The following OSBPL9 variants were observed in gnomAD, a reference collection of about 807,000 sequenced individuals.
OSBPL9 encodes oxysterol binding protein like 9.
In OSBPL9, 40 loss-of-function variants were observed where a neutral mutation model predicts 106.6. The ratio of observed to expected loss-of-function variants is 0.38; its 90% confidence interval spans 0.29 to 0.49. The LOEUF (loss-of-function observed/expected upper bound fraction) is 0.49. OSBPL9 is among the 20% of genes least tolerant of loss of function. The pLI is 0.97. For synonymous variants in OSBPL9, 269 were observed against 295.4 expected (o/e 0.91, Z 0.92); for missense variants, 609 against 887.2 (o/e 0.69, Z 3.98).
intron 2 of OSBPL9, among the ~76,000 whole-genome samples, chr1:51,659,570 CAGT>C (rs965070635): frequency 6.6e-6 from 1 of 151,068 alleles, no homozygotes; most frequent in African/African-American, 2.4e-5. Flanking sequence ...GGGAAATAAA[CAGT>C]AGAGAGCATA....
In OSBPL9 at chr1:51,781,329, G is replaced by A. The variant is rs1356062009; in HGVS notation, c.1422G>A (p.Glu474=). Residue 474 remains glutamate, a synonymous_variant, in exon 16 of 24, where the codon GAG becomes GAA. Transcript: ENST00000428468. ...GGACATTACCAAATGATACTGAAGAGAACACAGTGAGTTCTGCATTGACAT... is the reference window on the plus strand; with the variant it reads ...GGACATTACCAAATGATACTGAAGAAAACACAGTGAGTTCTGCATTGACAT... ...CHWTLPNDTE[E]NTELVSEGPV... is the part of the protein sequence containing the mutation. 6.2e-7 allele frequency: 1 copy of A among 1,613,782 alleles called. No individual in the cohort carries two copies. The highest frequency in any genetic ancestry group is 8.5e-7 in the Non-Finnish European group (1 of 1,179,798).
chr1:51,750,343 T>G (rs1047850187), intron 8 of OSBPL9, 148 bp downstream of exon 8: 2 of 540,566 alleles, frequency 3.7e-6, no homozygotes, highest in Non-Finnish European at 6.5e-6. Context: ...GGAACAACTG[T>G]TGTGTTTGGC....
Position 51,743,105 on chromosome 1 carries a change from G to T in OSBPL9, c.319-2431G>T, listed in dbSNP as rs190476122. On this transcript the variant is annotated intron_variant, in intron 4 of 23. Transcript: ENST00000428468. ...AATTTTACATGATATTTTATTGGTTGCAGATGGGGCAACTATATACATAAA... is the reference window on the plus strand; with the variant it reads ...AATTTTACATGATATTTTATTGGTTTCAGATGGGGCAACTATATACATAAA... Among the ~76,000 whole-genome samples, 26 of 152,278 alleles carry T rather than the reference G, an allele frequency of 1.7e-4. No homozygotes were observed. The East Asian group carries it at 4.6e-3, about 27-fold the overall frequency.
chr1:51,577,156 C>G (rs1364165600), upstream of OSBPL9: 1 of 152,096 alleles, frequency 6.6e-6, no homozygotes, highest in Admixed American at 6.6e-5. Flanking sequence ...TGTGACGTAC[C>G]TGCTCCCTCT....
At chr1:51,623,888 A>G (rs1644595576) in intron 1 of OSBPL9, among the ~76,000 whole-genome samples, 1 of 152,080 alleles carries the variant, frequency 6.6e-6, no homozygotes, top group African/African-American at 2.4e-5. Context: ...ATTCTTGAAT[A>G]TATCAAATAT....
chr1:51,786,614 G>A lies in OSBPL9; in HGVS notation c.1997G>A (p.Arg666His), dbSNP rs774199994. Reference protein sequence around the residue: ...KLEDQNEYESRSLWKDVTFNL... With the variant: ...KLEDQNEYESHSLWKDVTFNL... The stretch of plus-strand genomic sequence containing the variant: ...GAAGATCAGAACGAGTATGAATCCC[G>A]CAGGTAAGCCGACATTGTTAAGTGG... Residue 666 changes from arginine to histidine, a missense_variant, in exon 22 of 24, where the codon CGC (arginine) becomes CAC (histidine). Physicochemically the swap from Arg to His is conservative, Grantham distance 29. Transcript: ENST00000428468. 1 of 1,609,948 alleles carries A rather than the reference G, an allele frequency of 6.2e-7. No homozygotes were observed. Among genetic ancestry groups the A allele is most frequent in the Non-Finnish European group, 8.5e-7 (1 of 1,176,588 alleles).
the OSBPL9 span, among the ~76,000 whole-genome samples, chr1:51,540,219 A>T: frequency 6.6e-6 from 1 of 151,234 alleles, no homozygotes; most frequent in Non-Finnish European, 1.5e-5. Flanking sequence ...TTATTATTTT[A>T]AATTTTTTTT....
intron 3 of OSBPL9, among the ~76,000 whole-genome samples, chr1:51,681,434 GC>G (rs1652538973): frequency 6.6e-6 from 1 of 151,786 alleles, no homozygotes; most frequent in African/African-American, 2.4e-5. Flanking sequence ...AGTCTGATGG[GC>G]CAAATTCTAT....
chr1:51,717,420 C>G (rs983529338), intron 4 of OSBPL9, among the ~76,000 whole-genome samples: 1 of 152,220 alleles, frequency 6.6e-6, no homozygotes, highest in Non-Finnish European at 1.5e-5. Flanking sequence ...TCCTCTATCA[C>G]TTTACTTCTG....
rs763545573 is a variant in OSBPL9 at position 51,788,234 on chromosome 1, A to G, written c.*445A>G. The stretch of plus-strand genomic sequence containing the variant: ...TATATATAAATATACCTGATGCCAG[A>G]TTTTTTTCATAAATATTCTGCCTAC... On this transcript the variant is annotated 3_prime_UTR_variant, in exon 24 of 24. Coordinates refer to ENST00000428468, the MANE Select transcript of OSBPL9 (RefSeq NM_024586.6). 1 of 153,762 alleles carries G rather than the reference A, an allele frequency of 6.5e-6. No homozygotes were observed. Among genetic ancestry groups the G allele is most frequent in the Admixed American group, 6.5e-5 (1 of 15,302 alleles). The allele number at this position is 153,762 out of a possible 1,614,324, so 9.5% of individuals were successfully genotyped here. A position where few individuals can be genotyped will look rare whatever the true frequency, so the allele number is the denominator to read the frequency against.
intron 1 of OSBPL9, among the ~76,000 whole-genome samples, chr1:51,626,510 T>C (rs957937129): frequency 6.6e-6 from 1 of 152,102 alleles, no homozygotes; most frequent in Non-Finnish European, 1.5e-5. Flanking sequence ...TGTTGCTTTT[T>C]ATTCTTTTTT....
intron 9 of OSBPL9, chr1:51,760,448 G>A (rs534059643): frequency 7.2e-6 from 3 of 417,500 alleles, no homozygotes; most frequent in African/African-American, 4.2e-5. Context: ...TAACTCCTCA[G>A]TTTTTCCATT....
chr1:51,746,841 C>T, intron 6 of OSBPL9, 84 bp downstream of exon 6: 2 of 1,081,500 alleles, frequency 1.8e-6, no homozygotes, highest in South Asian at 1.5e-5. Flanking sequence ...TGTGTTTTTA[C>T]TTACTATAAT....
chr1:51,767,468 G>C (rs1672808358), intron 12 of OSBPL9, among the ~76,000 whole-genome samples: 1 of 151,646 alleles, frequency 6.6e-6, no homozygotes, highest in Non-Finnish European at 1.5e-5. Context: ...TGTATTAATA[G>C]CTTAGTTTTT....
the OSBPL9 span, chr1:51,565,450 A>G: frequency 1.3e-5 from 2 of 152,102 alleles, no homozygotes; most frequent in South Asian, 2.1e-4. Flanking sequence ...TCTCTAATAA[A>G]TCTATTATTT....
intron 3 of OSBPL9, among the ~76,000 whole-genome samples, chr1:51,676,323 A>G (rs1651187280): frequency 6.6e-6 from 1 of 151,924 alleles, no homozygotes; most frequent in Non-Finnish European, 1.5e-5. Context: ...GCAGCTACTC[A>G]GGAGGCTAAG....
intron 1 of OSBPL9, among the ~76,000 whole-genome samples, chr1:51,579,256 A>G (rs1470385928): frequency 6.6e-6 from 1 of 152,144 alleles, no homozygotes; most frequent in Non-Finnish European, 1.5e-5. Context: ...ACACCATGTT[A>G]GGCACACTAG....
Position 51,788,043 on chromosome 1 carries a change from CT to C in OSBPL9, c.*258del. ...TTTGAAAATCAGATGATGTCTTCTC[CT>C]TTTCCAAACACCACACGTTGAAAGC... is the stretch of plus-strand genomic sequence containing the variant. On this transcript the variant is annotated 3_prime_UTR_variant, in exon 24 of 24. Coordinates refer to ENST00000428468, the MANE Select transcript of OSBPL9 (RefSeq NM_024586.6). 2.1e-6 allele frequency: 1 copy of C among 481,730 alleles called. No individual in the cohort carries two copies. Among genetic ancestry groups the C allele is most frequent in the South Asian group, 2.7e-5 (1 of 36,504 alleles). 29.8% of individuals were successfully genotyped at this position (481,730 alleles called of 1,614,324 possible).
chr1:51,634,636 G>A (rs1645309090), intron 1 of OSBPL9, among the ~76,000 whole-genome samples: 1 of 152,198 alleles, frequency 6.6e-6, no homozygotes, highest in African/African-American at 2.4e-5. Context: ...AAGGAATAGA[G>A]GGTTAAGGGT....
Sources: allele counts gnomAD v4.1 joint callset (sites outside exome capture counted in the v4.1 genomes callset), GRCh38; gene constraint gnomAD v4.1.1; transcripts MANE v1.5; gene names NCBI Gene and HGNC (gene_info 2026-07-23, HGNC 2026-07-21).